Variants in TMC1 observed in about 807,000 individuals in gnomAD.
TMC1 encodes the protein transmembrane channel-like protein 1.
Under a neutral mutation model 105.8 loss-of-function variants are expected in TMC1, and 84 were observed. That is an observed-to-expected ratio of 0.79 (90% CI 0.67 to 0.95). The LOEUF (loss-of-function observed/expected upper bound fraction) is 0.95. TMC1 is among the 40% of genes least tolerant of loss of function. The pLI, the probability that TMC1 is intolerant of heterozygous loss-of-function variation, is 0.00. For missense variants in TMC1, 817 were observed against 914.1 expected (o/e 0.89, Z 1.37); for synonymous variants, 315 against 311.5 (o/e 1.01, Z -0.12).
chr9:72,544,663 A>G (rs1474049125), intron 1 of TMC1, among the ~76,000 whole-genome samples: 1 of 151,698 alleles, frequency 6.6e-6, no homozygotes, highest in Non-Finnish European at 1.5e-5. Context: ...TATTTTTAGT[A>G]GAAATGGGGT....
In TMC1 at chr9:72,589,364, C is replaced by T. The variant is rs558176555; in HGVS notation, c.-306+11341C>T. On this transcript the variant is annotated intron_variant, in intron 2 of 23. Transcript: ENST00000297784. ...CTATTAATACAATCTGGGTTTGTTC[C>T]GATTTAATTGTCTAAAATTATACAT... 5.3e-5 allele frequency among the ~76,000 whole-genome samples: 8 copies of T among 152,196 alleles called. No homozygotes were observed. The South Asian group carries it at 8.3e-4, about 16-fold the overall frequency.
chr9:72,684,468 G>A (rs2589619), intron 5 of TMC1, among the ~76,000 whole-genome samples: 84,977 of 151,936 alleles, frequency 0.56, 25,117 homozygotes, highest in African/African-American at 0.77. Context: ...GTTCATTTTT[G>A]ATTTCTTCAG....
At chr9:72,646,125 G>T (rs1825707269) in intron 4 of TMC1, among the ~76,000 whole-genome samples, 1 of 152,038 alleles carries the variant, frequency 6.6e-6, no homozygotes, top group African/African-American at 2.4e-5. Context: ...TATAGTCTAT[G>T]ATTTATATTG....
At chr9:72,721,471 T>C (rs1371196466) in intron 8 of TMC1, among the ~76,000 whole-genome samples, 1 of 152,236 alleles carries the variant, frequency 6.6e-6, no homozygotes, top group Non-Finnish European at 1.5e-5. Flanking sequence ...ACTTTTCACC[T>C]GCGTGATGTT....
intron 8 of TMC1, among the ~76,000 whole-genome samples, chr9:72,712,214 C>G (rs1292585414): frequency 6.6e-6 from 1 of 152,018 alleles, no homozygotes; most frequent in East Asian, 1.9e-4. Flanking sequence ...ATGCCTCCAG[C>G]TTTGTTCTTT....
chr9:72,716,772 G>A (rs1373364072), intron 8 of TMC1, among the ~76,000 whole-genome samples: 1 of 152,126 alleles, frequency 6.6e-6, no homozygotes, highest in Non-Finnish European at 1.5e-5. Flanking sequence ...GGGCGTGAAT[G>A]GTTCTGTCTC....
At chr9:72,528,993 T>G (rs1374717889) in intron 1 of TMC1, among the ~76,000 whole-genome samples, 1 of 152,090 alleles carries the variant, frequency 6.6e-6, no homozygotes, top group Non-Finnish European at 1.5e-5. Flanking sequence ...TATCGTATAA[T>G]AACTACTTAC....
chr9:72,820,964 C>T lies in TMC1; in HGVS notation c.1886C>T (p.Ala629Val), dbSNP rs1302396616. ...GTTCCTGAGGCCAGGGTCTTCAAAG[C>T]TTCCAGATCAAATAACTTCTACCTG... ...CNVPEARVFK[A>V]SRSNNFYLGM... The change falls in exon 20 of 24, where the codon GCT becomes GTT. Residue 629 changes from alanine to valine, a missense_variant. Coordinates refer to ENST00000297784, the MANE Select transcript of TMC1 (RefSeq NM_138691.3). 3 of 1,614,064 alleles carry T rather than the reference C, an allele frequency of 1.9e-6. No individual in the cohort carries two copies. Among genetic ancestry groups the T allele is most frequent in the African/African-American group, 2.7e-5 (2 of 74,928 alleles).
At chr9:72,765,917 G>A (rs1276414249) in intron 12 of TMC1, among the ~76,000 whole-genome samples, 1 of 152,168 alleles carries the variant, frequency 6.6e-6, no homozygotes, top group Non-Finnish European at 1.5e-5. Context: ...TTCTATAGAA[G>A]CCAGAAGAGT....
At chr9:72,632,619 A>C (rs1825469014) in intron 4 of TMC1, among the ~76,000 whole-genome samples, 1 of 152,224 alleles carries the variant, frequency 6.6e-6, no homozygotes. Context: ...AAACAGAGCA[A>C]GTATGAAAGA....
At chr9:72,822,042 T>A (rs1309760475) in intron 20 of TMC1, among the ~76,000 whole-genome samples, 1 of 152,178 alleles carries the variant, frequency 6.6e-6, no homozygotes, top group Non-Finnish European at 1.5e-5. Context: ...GAGATACACA[T>A]TTCTACAGTT....
At chr9:72,620,477 C>G (rs1825229957) in intron 3 of TMC1, among the ~76,000 whole-genome samples, 1 of 151,986 alleles carries the variant, frequency 6.6e-6, no homozygotes, top group African/African-American at 2.4e-5. Flanking sequence ...TCTTGAATGC[C>G]TGGACTCAAG....
chr9:72,829,309 T>A (rs146304763), intron 21 of TMC1, among the ~76,000 whole-genome samples: 1 of 152,238 alleles, frequency 6.6e-6, no homozygotes, highest in East Asian at 1.9e-4. Context: ...GTTAGTTCTC[T>A]GCAGGCAGTT....
intron 7 of TMC1, among the ~76,000 whole-genome samples, chr9:72,699,998 A>C (rs1321584252): frequency 6.8e-6 from 1 of 147,288 alleles, no homozygotes; most frequent in Non-Finnish European, 1.5e-5. Context: ...TTATGCCTGT[A>C]ATCCCAGCAC....
At chr9:72,652,183 A>G (rs994895433) in intron 5 of TMC1, among the ~76,000 whole-genome samples, 3 of 152,078 alleles carry the variant, frequency 2.0e-5, no homozygotes, top group Admixed American at 2.0e-4. Flanking sequence ...CTTTCCATAT[A>G]CTTGTTGGCC....
At chr9:72,769,778 AC>A (rs1332564736) in intron 12 of TMC1, among the ~76,000 whole-genome samples, 13 of 152,206 alleles carry the variant, frequency 8.5e-5, no homozygotes, top group Admixed American at 1.3e-4. Context: ...ACTGAGTGTC[AC>A]ATCTGTGGCA....
At position 72,605,342 on chromosome 9, in the gene TMC1, C is replaced by A. The variant is rs114187470; in HGVS notation, c.-305-11026C>A. On this transcript the variant is annotated intron_variant, in intron 2 of 23. Coordinates refer to ENST00000297784, the MANE Select transcript of TMC1 (RefSeq NM_138691.3). Reference sequence around the variant, plus strand: ...ACTGGGTGGTTCTGGCTCAAAGTATCTTATTTGTTTGCTAGGGCTGCTGTC... The same window carrying A: ...ACTGGGTGGTTCTGGCTCAAAGTATATTATTTGTTTGCTAGGGCTGCTGTC... Among the ~76,000 whole-genome samples the A allele has an allele frequency of 4.3e-3, 661 of 152,192 alleles. 4 individuals are homozygous for A. Among genetic ancestry groups the A allele is most frequent in the African/African-American group, 0.014 (590 of 41,528 alleles).
At chr9:72,542,261 G>C (rs1005934776) in intron 1 of TMC1, among the ~76,000 whole-genome samples, 6 of 152,280 alleles carry the variant, frequency 3.9e-5, no homozygotes, top group Middle Eastern at 3.4e-3. Context: ...AGGAGATGGA[G>C]ACCATCCTGG....
At chr9:72,688,884 T>G in intron 6 of TMC1, 128 bp downstream of exon 6, 1 of 810,602 alleles carries the variant, frequency 1.2e-6, no homozygotes, top group Non-Finnish European at 2.1e-6. Flanking sequence ...TTTCATGGTC[T>G]CACAGGAGGA....
Sources: gnomAD v4.1 joint callset for allele counts (sites outside exome capture counted in the v4.1 genomes callset) on GRCh38, gnomAD v4.1.1 for gene constraint, MANE v1.5 for transcripts, NCBI Gene and HGNC (gene_info 2026-07-23, HGNC 2026-07-21) for gene names.